Variants in STXBP5 observed in about 807,000 individuals in gnomAD.
The protein encoded by STXBP5 is syntaxin-binding protein 5.
In STXBP5, 50 loss-of-function variants were observed where a neutral mutation model predicts 152.4. That is an observed-to-expected ratio of 0.33 (90% CI 0.26 to 0.42). STXBP5 has a LOEUF of 0.42. STXBP5 is among the 10% of genes least tolerant of loss of function. STXBP5 has a pLI of 1.00. For synonymous variants in STXBP5, 492 were observed against 494.7 expected, an observed-to-expected ratio of 0.99 and a Z score of 0.07; for missense variants, 1,167 against 1,388.6, an observed-to-expected ratio of 0.84 and a Z score of 2.54.
chr6:147,352,543 G>C (rs542042438), intron 21 of STXBP5, among the ~76,000 whole-genome samples: 1 of 151,160 alleles, frequency 6.6e-6, no homozygotes, highest in South Asian at 2.1e-4. Context: ...CCTGAGAGGC[G>C]GAGGCTGCAG....
chr6:147,211,752 T>C (rs537671914), intron 2 of STXBP5, among the ~76,000 whole-genome samples: 1 of 152,122 alleles, frequency 6.6e-6, no homozygotes, highest in Non-Finnish European at 1.5e-5. Flanking sequence ...ACTATTTTGT[T>C]TTATTTTTGG....
intron 22 of STXBP5, among the ~76,000 whole-genome samples, chr6:147,355,909 C>T (rs1784795292): frequency 6.6e-6 from 1 of 151,926 alleles, no homozygotes; most frequent in Non-Finnish European, 1.5e-5. Flanking sequence ...ACCCATAATG[C>T]TTAACTTAAA....
intron 4 of STXBP5, among the ~76,000 whole-genome samples, chr6:147,249,650 G>A (rs1010232679): frequency 2.0e-4 from 31 of 152,270 alleles, no homozygotes; most frequent in Admixed American, 2.0e-3. Context: ...GAGTGAAGAA[G>A]TTTTAAAGGA....
chr6:147,224,240 A>G (rs1582806903), intron 2 of STXBP5, among the ~76,000 whole-genome samples: 1 of 152,216 alleles, frequency 6.6e-6, no homozygotes, highest in Non-Finnish European at 1.5e-5. Context: ...AGCCTGGCCA[A>G]TATGGTGAAA....
In STXBP5 at chr6:147,289,476, T is replaced by G. The variant is rs568626252; in HGVS notation, c.839-1618T>G. 2.0e-5 allele frequency among the ~76,000 whole-genome samples: 3 copies of G among 152,342 alleles called. No individual in the cohort carries two copies. The South Asian group carries it at 6.2e-4, about 32-fold the overall frequency. On this transcript the variant is annotated intron_variant, in intron 8 of 27. Transcript: ENST00000321680. The stretch of plus-strand genomic sequence containing the variant: ...TGCAACATATTAAGGCTGATAGACT[T>G]GATTATTTAGATGTGTATTTCTGTA...
At chr6:147,373,430 TGA>T (rs893999267) in intron 25 of STXBP5, among the ~76,000 whole-genome samples, 71 of 150,442 alleles carry the variant, frequency 4.7e-4, no homozygotes, top group Middle Eastern at 3.5e-3. Context: ...TCAATTGATA[TGA>T]GTTATATGAA....
chr6:147,268,012 G>A (rs939019273), intron 7 of STXBP5, among the ~76,000 whole-genome samples: 4 of 152,152 alleles, frequency 2.6e-5, no homozygotes, highest in African/African-American at 4.8e-5. Context: ...ATATAGCAAA[G>A]GCAGGATAAA....
rs1281979196 is a variant in STXBP5 at position 147,352,265 on chromosome 6, A to AG, written c.2255-1057dup. Among the ~76,000 whole-genome samples the AG allele has an allele frequency of 2.0e-5, 3 of 152,248 alleles. No homozygotes were observed. In the East Asian group the frequency reaches 5.8e-4, roughly 29 times the overall value. On this transcript the variant is annotated intron_variant, in intron 21 of 27. Coordinates refer to ENST00000321680, the MANE Select transcript of STXBP5 (RefSeq NM_001127715.4). ...GTTAACTTATATCAAGGAGTGGTTG[A>AG]GTCAGATATTGTATAATGTAATCAA... is the stretch of plus-strand genomic sequence containing the variant.
chr6:147,226,916 A>G (rs959716344), intron 2 of STXBP5, among the ~76,000 whole-genome samples: 9 of 152,162 alleles, frequency 5.9e-5, no homozygotes, highest in African/African-American at 1.9e-4. Flanking sequence ...ATGAGCGAAC[A>G]TGGAGGGTAA....
At chr6:147,356,670 C>T (rs1218969826) in intron 22 of STXBP5, among the ~76,000 whole-genome samples, 3 of 151,922 alleles carry the variant, frequency 2.0e-5, no homozygotes, top group Non-Finnish European at 2.9e-5. Context: ...CAGAGGCTAC[C>T]TATAATCAAA....
intron 26 of STXBP5, among the ~76,000 whole-genome samples, chr6:147,381,537 AC>A (rs1157863956): frequency 6.6e-6 from 1 of 152,178 alleles, no homozygotes; most frequent in African/African-American, 2.4e-5. Context: ...CTAGGCATAT[AC>A]CCAAGAAAAT....
At chr6:147,305,940 G>A (rs1020273226) in intron 9 of STXBP5, among the ~76,000 whole-genome samples, 1 of 152,082 alleles carries the variant, frequency 6.6e-6, no homozygotes, top group African/African-American at 2.4e-5. Flanking sequence ...CAGTAATGCA[G>A]ACAATTAGTA....
At position 147,325,020 on chromosome 6, in the gene STXBP5, G is replaced by A; in HGVS notation, c.1864G>A (p.Val622Ile). The A allele has an allele frequency of 1.3e-6, 2 of 1,595,960 alleles. No homozygotes were observed. Among genetic ancestry groups the A allele is most frequent in the African/African-American group, 1.3e-5 (1 of 74,498 alleles). ...GYQTELVIQL[V>I]WVGGEPPQQI... ...TCAAACAGAACTAGTTATTCAGTTGGTTTGGGTGGGTGGAGAACCACCACA... is the reference window on the plus strand; with the variant it reads ...TCAAACAGAACTAGTTATTCAGTTGATTTGGGTGGGTGGAGAACCACCACA... Residue 622 changes from valine (V) to isoleucine (I), a missense_variant, in exon 17 of 28, where the codon GTT becomes ATT. Coordinates refer to ENST00000321680, the MANE Select transcript of STXBP5 (RefSeq NM_001127715.4).
chr6:147,207,061 A>G (rs976475778), intron 2 of STXBP5, among the ~76,000 whole-genome samples: 1 of 152,162 alleles, frequency 6.6e-6, no homozygotes, highest in African/African-American at 2.4e-5. Context: ...GAAAAGAAAT[A>G]TACGATAGGG....
intron 7 of STXBP5, among the ~76,000 whole-genome samples, chr6:147,274,831 A>G (rs971184715): frequency 6.6e-6 from 1 of 152,090 alleles, no homozygotes; most frequent in Non-Finnish European, 1.5e-5. Flanking sequence ...AATAACATCT[A>G]TGAGAAAAGA....
intron 9 of STXBP5, among the ~76,000 whole-genome samples, chr6:147,303,087 G>A (rs992689965): frequency 6.6e-6 from 1 of 152,162 alleles, no homozygotes; most frequent in Non-Finnish European, 1.5e-5. Context: ...CTTTAAAGAA[G>A]TGAGTATAAA....
At chr6:147,370,262 C>T (rs575937409) in intron 25 of STXBP5, among the ~76,000 whole-genome samples, 10 of 152,056 alleles carry the variant, frequency 6.6e-5, no homozygotes, top group South Asian at 4.2e-4. Context: ...GAGAGAAGGT[C>T]GTACAAAGGA....
chr6:147,225,840 A>G (rs1777682525), intron 2 of STXBP5, among the ~76,000 whole-genome samples: 1 of 152,226 alleles, frequency 6.6e-6, no homozygotes. Flanking sequence ...ATAACAACCT[A>G]CAAAAGTCAT....
In STXBP5 at chr6:147,288,011, G is replaced by A. The variant is rs1364411630; in HGVS notation, c.839-3083G>A. On this transcript the variant is annotated intron_variant, in intron 8 of 27. Transcript: ENST00000321680. Reference sequence around the variant, plus strand: ...CAAAGTCGGCCAGAAATGAGTGACTGGGGCCTTCTCCTTTCCTCACTCTTT... The same window carrying A: ...CAAAGTCGGCCAGAAATGAGTGACTAGGGCCTTCTCCTTTCCTCACTCTTT... 3.3e-5 allele frequency among the ~76,000 whole-genome samples: 5 copies of A among 151,718 alleles called. 1 individual carries two copies. The highest frequency in any genetic ancestry group is 3.3e-4 in the Admixed American group (5 of 15,246).
Sources: gnomAD v4.1 joint callset for allele counts (sites outside exome capture counted in the v4.1 genomes callset) on GRCh38, gnomAD v4.1.1 for gene constraint, MANE v1.5 for transcripts, NCBI Gene and HGNC (gene_info 2026-07-23, HGNC 2026-07-21) for gene names.